Variants in SH3TC1 observed in about 807,000 individuals in gnomAD.
The protein encoded by SH3TC1 is SH3 domain and tetratricopeptide repeat-containing protein 1.
In SH3TC1, 135 loss-of-function variants were observed where a neutral mutation model predicts 117.3. The ratio of observed to expected loss-of-function variants is 1.15; its 90% CI spans 1.00 to 1.33. The LOEUF (loss-of-function observed/expected upper bound fraction) is 1.33. SH3TC1 is among the 40% of genes most tolerant of loss of function. The pLI is 0.00. For missense variants in SH3TC1, 2,092 were observed against 1,794.3 expected (o/e 1.17, Z -3.00); for synonymous variants, 898 against 816.9 (o/e 1.10, Z -1.69).
At position 8,228,689 on chromosome 4, in the gene SH3TC1, G is replaced by A. The variant is rs561819410; in HGVS notation, c.2950+45G>A. ...CTGTGTGCCTTCCGGGGCCACTCGG[G>A]TCAGGGCACACCTGGGGTTTGTGAT... On this transcript the variant is annotated intron_variant, in intron 12 of 17. Transcript: ENST00000245105. 864 of 1,372,064 alleles carry A rather than the reference G, an allele frequency of 6.3e-4. 1 individual carries two copies. The highest frequency in any genetic ancestry group is 7.7e-4 in the Non-Finnish European group (796 of 1,039,198). The allele number at this position is 1,372,064 out of a possible 1,614,324, so 85.0% of individuals were successfully genotyped here. A position where few individuals can be genotyped will look rare whatever the true frequency, so the allele number is the denominator to read the frequency against.
intron 10 of SH3TC1, chr4:8,224,761 G>A (rs1281142): frequency 0.2 from 36,698 of 187,494 alleles, 4,404 homozygotes; most frequent in South Asian, 0.27. Context: ...GCTGCTGCCT[G>A]TTCAATGCGC....
intron 15 of SH3TC1, 74 bp downstream of exon 15, chr4:8,235,629 G>C (rs1054306399): frequency 9.0e-5 from 133 of 1,471,576 alleles, no homozygotes; most frequent in Non-Finnish European, 1.1e-4. Flanking sequence ...AGGTGTGGCA[G>C]GGCAGAGCCC....
chr4:8,191,963 A>ATTTT (rs1250806714), intron 1 of SH3TC1, among the ~76,000 whole-genome samples: 1 of 1,604 alleles, frequency 6.2e-4, no homozygotes, highest in African/African-American at 6.8e-4. Flanking sequence ...AGTTACATTT[A>ATTTT]TTTATTTATT....
intron 3 of SH3TC1, among the ~76,000 whole-genome samples, chr4:8,211,673 C>T (rs994343794): frequency 1.3e-5 from 2 of 151,526 alleles, no homozygotes; most frequent in African/African-American, 2.4e-5. Context: ...CTCAGCGTCT[C>T]CAGGCACTGG....
chr4:8,232,653 C>A, intron 13 of SH3TC1: 1 of 1,296,586 alleles, frequency 7.7e-7, no homozygotes, highest in South Asian at 1.2e-5. Context: ...CTTGGCTCTC[C>A]TGGAGCATCC....
intron 2 of SH3TC1, among the ~76,000 whole-genome samples, chr4:8,208,401 T>G (rs1209797036): frequency 1.4e-5 from 2 of 146,758 alleles, no homozygotes; most frequent in Admixed American, 1.4e-4. Context: ...GGAGTCTCGC[T>G]CTGTTGCCCA....
intron 17 of SH3TC1, 48 bp from the exon 18 acceptor site, chr4:8,240,650 G>C (rs1468223552): frequency 6.2e-7 from 1 of 1,609,086 alleles, no homozygotes; most frequent in Admixed American, 1.7e-5. Context: ...CCTCTGGGGA[G>C]ACTGGCTCCG....
In SH3TC1 at chr4:8,210,208, A is replaced by G. The variant is rs185483092; in HGVS notation, c.247+386A>G. Among the ~76,000 whole-genome samples, 1 of 152,240 alleles carries G rather than the reference A, an allele frequency of 6.6e-6. No individual in the cohort carries two copies. The highest frequency in any genetic ancestry group is 1.9e-4 in the East Asian group (1 of 5,154). On this transcript the variant is annotated intron_variant, in intron 3 of 17. Transcript: ENST00000245105. This position sits in a 1 kb window ranked among gnomAD's most constrained non-coding sequence, Gnocchi z 4.1. ...CCCAGGGATGGGATCGCCGCAGGGCACAGGTGGAGGGAGGCAGCCCTGGGC... is the reference window on the plus strand; with the variant it reads ...CCCAGGGATGGGATCGCCGCAGGGCGCAGGTGGAGGGAGGCAGCCCTGGGC...
chr4:8,233,661 C>T, intron 14 of SH3TC1, 148 bp downstream of exon 14: 1 of 986,834 alleles, frequency 1.0e-6, no homozygotes, highest in East Asian at 3.0e-5. Flanking sequence ...CTTCCATCAT[C>T]TACCCATTCA....
chr4:8,206,785 G>T lies in SH3TC1; in HGVS notation c.172+1419G>T, dbSNP rs779251814. Among the ~76,000 whole-genome samples, 51 of 151,978 alleles carry T rather than the reference G, an allele frequency of 3.4e-4. No individual in the cohort carries two copies. Among genetic ancestry groups the T allele is most frequent in the African/African-American group, 1.1e-3 (47 of 41,412 alleles). On this transcript the variant is annotated intron_variant, in intron 2 of 17. Transcript: ENST00000245105. The surrounding 1 kb of genome is among the most constrained non-coding windows in gnomAD (Gnocchi z 5.5). ...GATAATTCCATTTGCCCATACCCAGGTTCCCTGAATGTTCGCATTTTAGGA... is the reference window on the plus strand; with the variant it reads ...GATAATTCCATTTGCCCATACCCAGTTTCCCTGAATGTTCGCATTTTAGGA...
chr4:8,214,777 G>A (rs968929840), intron 5 of SH3TC1, among the ~76,000 whole-genome samples, 197 bp downstream of exon 5: 12 of 151,922 alleles, frequency 7.9e-5, no homozygotes, highest in African/African-American at 2.2e-4. Flanking sequence ...CCTGCTCCCC[G>A]GGTTCAAGCG....
chr4:8,208,886 C>T (rs554538075), intron 2 of SH3TC1, among the ~76,000 whole-genome samples: 27 of 152,348 alleles, frequency 1.8e-4, no homozygotes, highest in South Asian at 6.2e-4. Context: ...CTGTGAAGAC[C>T]GGCCACACAG....
upstream of SH3TC1, among the ~76,000 whole-genome samples, chr4:8,194,864 A>G (rs1578639094): frequency 6.6e-6 from 1 of 152,140 alleles, no homozygotes; most frequent in African/African-American, 2.4e-5. Context: ...GTTTCCGGCA[A>G]TTGAGGGCAC....
At chr4:8,231,444 G>C (rs1238060768) in intron 12 of SH3TC1, 1 of 156,888 alleles carries the variant, frequency 6.4e-6, no homozygotes, top group Non-Finnish European at 1.4e-5. Flanking sequence ...GCTGACACTA[G>C]AAAATCAGCA....
At position 8,228,552 on chromosome 4, in the gene SH3TC1, GC is replaced by G; in HGVS notation, c.2860del (p.His954IlefsTer190). On this transcript the variant is annotated frameshift_variant, in exon 12 of 18. Transcript: ENST00000245105. LOFTEE classifies it high-confidence loss of function. ...RDFTHVLLQL[G>X]HLCTRQGPAQ... ...TTCACCCACGTGCTCCTGCAGCTGG[GC>G]CATCTCTGCACCCGCCAGGGCCCGG... The G allele has an allele frequency of 6.2e-7, 1 of 1,607,766 alleles. No homozygotes were observed. The highest frequency in any genetic ancestry group is 8.5e-7 in the Non-Finnish European group (1 of 1,177,930).
At chr4:8,216,412 C>T (rs1157883506) in intron 6 of SH3TC1, among the ~76,000 whole-genome samples, 155 bp downstream of exon 6, 1 of 152,116 alleles carries the variant, frequency 6.6e-6, no homozygotes, top group East Asian at 1.9e-4. Flanking sequence ...GGGAGGTGTG[C>T]TTGGTGTGGC....
At chr4:8,216,310 G>A in intron 6 of SH3TC1, 53 bp downstream of exon 6, 1 of 1,581,930 alleles carries the variant, frequency 6.3e-7, no homozygotes, top group Non-Finnish European at 8.6e-7. Flanking sequence ...GGCACTCCCG[G>A]GCCATGGGGT....
At position 8,192,820 on chromosome 4, in the gene SH3TC1, C is replaced by G. The variant is rs1255634379; in HGVS notation, c.-57+10610C>G. On this transcript the variant is annotated intron_variant, in intron 1 of 16. Transcript: ENST00000508641. This position sits in a 1 kb window ranked among gnomAD's most constrained non-coding sequence, Gnocchi z 4.1. ...TTGTCTTTATTTGTTGCCTTCTCTT[C>G]TGCTCCGAGTTTAGGTTCATGTCGC... Among the ~76,000 whole-genome samples the G allele has an allele frequency of 2.0e-5, 3 of 152,194 alleles. No individual in the cohort carries two copies. Among genetic ancestry groups the G allele is most frequent in the Admixed American group, 2.0e-4 (3 of 15,278 alleles).
chr4:8,228,249 G>C lies in SH3TC1; in HGVS notation c.2555G>C (p.Arg852Pro), dbSNP rs138494924. Residue 852 changes from arginine (R) to proline (P), a missense_variant, in exon 12 of 18, where the codon CGG (arginine) becomes CCG (proline). Transcript: ENST00000245105. ...PVALDILQSVRDAVVASEDQE... is the reference protein window; with the variant it reads ...PVALDILQSVPDAVVASEDQE... ...GCCCTGGACATCCTGCAGTCTGTCCGGGATGCAGTGGTGGCCAGCGAGGAC... is the reference window on the plus strand; with the variant it reads ...GCCCTGGACATCCTGCAGTCTGTCCCGGATGCAGTGGTGGCCAGCGAGGAC... 2 of 1,611,722 alleles carry C rather than the reference G, an allele frequency of 1.2e-6. No homozygotes were observed. The highest frequency in any genetic ancestry group is 1.7e-5 in the Admixed American group (1 of 59,926).
Sources: allele counts gnomAD v4.1 joint callset (sites outside exome capture counted in the v4.1 genomes callset), GRCh38; gene constraint gnomAD v4.1.1; non-coding constraint Gnocchi (gnomAD v3.1); transcripts MANE v1.5; gene names NCBI Gene and HGNC (gene_info 2026-07-23, HGNC 2026-07-21).